The following RWDD4 variants were observed in gnomAD, a reference collection of about 807,000 sequenced individuals.
The protein encoded by RWDD4 is RWD domain containing 4.
RWDD4 carries 16 observed loss-of-function variants against 30.0 expected under a neutral mutation model. The ratio of observed to expected loss-of-function variants is 0.53; its 90% CI spans 0.36 to 0.81. The LOEUF is 0.81. Ranked by LOEUF, RWDD4 falls within the 30% of genes least tolerant of loss-of-function variation. The pLI is 0.00. For synonymous variants in RWDD4, 45 were observed against 72.1 expected, an observed-to-expected ratio of 0.62 and a Z score of 1.90; for missense variants, 170 against 223.9, an observed-to-expected ratio of 0.76 and a Z score of 1.54.
chr4:183,650,153 T>C (rs1272917418), intron 4 of RWDD4, among the ~76,000 whole-genome samples: 1 of 152,224 alleles, frequency 6.6e-6, no homozygotes, highest in Non-Finnish European at 1.5e-5. Context: ...GTAGATACTA[T>C]ATAACCCCCA....
intron 5 of RWDD4, among the ~76,000 whole-genome samples, chr4:183,646,955 A>G (rs1033600811): frequency 6.6e-6 from 1 of 152,240 alleles, no homozygotes; most frequent in African/African-American, 2.4e-5. Flanking sequence ...GCTAGGCTCA[A>G]GACAGGAGGA....
At chr4:183,655,342 C>T (rs1734165883) in intron 2 of RWDD4, among the ~76,000 whole-genome samples, 1 of 151,660 alleles carries the variant, frequency 6.6e-6, no homozygotes, top group Non-Finnish European at 1.5e-5. Context: ...GTCGCAGTGG[C>T]TTGATCTCGG....
Position 183,651,314 on chromosome 4 carries a change from C to T in RWDD4, c.119G>A (p.Gly40Asp). The change falls in exon 3 of 8, where the codon GGT becomes GAT. Residue 40 changes from glycine to aspartate, a missense_variant. Gly to Asp is a moderately conservative substitution (Grantham distance 94, BLOSUM62 -1). Transcript: ENST00000326397. ...CTCTATTAAGAAGGCTTTGGGATCA[C>T]CATTTTCACCTATCTGAAGAGAAGG... Reference protein sequence around the residue: ...VSFQYRIGENGDPKAFLIEIS... With the variant: ...VSFQYRIGENDDPKAFLIEIS... 2 of 1,610,490 alleles carry T rather than the reference C, an allele frequency of 1.2e-6. No homozygotes were observed. Among genetic ancestry groups the T allele is most frequent in the Non-Finnish European group, 1.7e-6 (2 of 1,178,570 alleles).
chr4:183,641,611 A>G, intron 7 of RWDD4, 143 bp from the exon 8 acceptor site: 1 of 679,248 alleles, frequency 1.5e-6, no homozygotes, highest in Non-Finnish European at 2.6e-6. Context: ...GCTACTTTTC[A>G]ACTTCAAGCT....
intron 7 of RWDD4, 57 bp downstream of exon 7, chr4:183,646,294 C>A (rs2111233784): frequency 6.4e-6 from 5 of 782,938 alleles, no homozygotes; most frequent in African/African-American, 1.8e-5. Flanking sequence ...AAAAAAAGAT[C>A]TAAAATTGAG....
chr4:183,647,812 T>C (rs1733991538), intron 5 of RWDD4, among the ~76,000 whole-genome samples: 2 of 152,348 alleles, frequency 1.3e-5, no homozygotes, highest in East Asian at 3.9e-4. Context: ...CTTAGATTTT[T>C]TTATTTCACA....
At chr4:183,655,148 C>T (rs113286161) in intron 2 of RWDD4, among the ~76,000 whole-genome samples, 5 of 151,830 alleles carry the variant, frequency 3.3e-5, no homozygotes, top group Non-Finnish European at 7.4e-5. Context: ...ACCTTGTTGG[C>T]CAGGCTGGTC....
At chr4:183,647,201 A>T (rs1733980710) in intron 5 of RWDD4, among the ~76,000 whole-genome samples, 2 of 152,216 alleles carry the variant, frequency 1.3e-5, no homozygotes, top group South Asian at 4.1e-4. Context: ...TTATCTAAAA[A>T]TTCTTCAATT....
rs753877473 is a variant in RWDD4 at position 183,651,088 on chromosome 4, C to T, written c.259G>A (p.Ala87Thr). 3 of 1,614,078 alleles carry T rather than the reference C, an allele frequency of 1.9e-6. No individual in the cohort carries two copies. Among genetic ancestry groups the T allele is most frequent in the Non-Finnish European group, 2.5e-6 (3 of 1,179,986 alleles). The change falls in exon 4 of 8, where the codon GCA (alanine) becomes ACA (threonine). Residue 87 changes from alanine to threonine, a missense_variant. Ala to Thr is a moderately conservative substitution (Grantham distance 58, BLOSUM62 0). Coordinates refer to ENST00000326397, the MANE Select transcript of RWDD4 (RefSeq NM_152682.4). ...GCGGTTCCAAGATTAGCTTCTACTG[C>T]TTCCTGTAGCTTGGCTAATATACTC... The part of the protein sequence containing the change: ...KQSILAKLQE[A>T]VEANLGTAMT...
intron 5 of RWDD4, among the ~76,000 whole-genome samples, chr4:183,648,649 C>A (rs1407529387): frequency 6.6e-6 from 1 of 152,092 alleles, no homozygotes; most frequent in Non-Finnish European, 1.5e-5. Context: ...AACTGTATTT[C>A]AAAAAATTTT....
chr4:183,647,958 C>T (rs749107217), intron 5 of RWDD4, among the ~76,000 whole-genome samples: 43 of 152,248 alleles, frequency 2.8e-4, no homozygotes, highest in African/African-American at 7.7e-4. Context: ...AAAAGGCCCT[C>T]ACCAGGCCGG....
chr4:183,652,208 A>G (rs1274902018), intron 2 of RWDD4, among the ~76,000 whole-genome samples: 2 of 152,230 alleles, frequency 1.3e-5, no homozygotes, highest in African/African-American at 4.8e-5. Context: ...CATAAACCAT[A>G]TTAAAAACTA....
chr4:183,655,521 T>TG (rs900268271), intron 2 of RWDD4, among the ~76,000 whole-genome samples: 1 of 152,174 alleles, frequency 6.6e-6, no homozygotes, highest in African/African-American at 2.4e-5. Flanking sequence ...CCTGACCTCG[T>TG]GATCCGCCCA....
At chr4:183,652,936 C>A (rs139782789) in intron 2 of RWDD4, among the ~76,000 whole-genome samples, 2,627 of 152,222 alleles carry the variant, frequency 0.017, 68 homozygotes, top group African/African-American at 0.06. Context: ...GTTGCCCAGG[C>A]TGGTCTCGAA....
intron 4 of RWDD4, 97 bp downstream of exon 4, chr4:183,650,887 T>C: frequency 8.0e-7 from 1 of 1,251,360 alleles, no homozygotes; most frequent in Non-Finnish European, 1.1e-6. Context: ...ACAAGTCTTC[T>C]TCCGATTTTG....
chr4:183,658,511 T>C (rs1734267231), intron 1 of RWDD4, among the ~76,000 whole-genome samples: 1 of 152,224 alleles, frequency 6.6e-6, no homozygotes, highest in Non-Finnish European at 1.5e-5. Flanking sequence ...TGTCATTTTC[T>C]TCCATGAGAA....
At chr4:183,645,501 G>A (rs1733949751) in intron 7 of RWDD4, among the ~76,000 whole-genome samples, 1 of 151,948 alleles carries the variant, frequency 6.6e-6, no homozygotes, top group Non-Finnish European at 1.5e-5. Flanking sequence ...CAGGTGTGGT[G>A]GCTGCCGCCG....
intron 7 of RWDD4, among the ~76,000 whole-genome samples, chr4:183,644,361 G>A (rs1480206246): frequency 6.6e-6 from 1 of 152,248 alleles, no homozygotes; most frequent in African/African-American, 2.4e-5. Context: ...CCAATTGTAA[G>A]TTAGGGCCCA....
At chr4:183,656,314 C>T (rs982244608) in intron 1 of RWDD4, among the ~76,000 whole-genome samples, 3 of 152,168 alleles carry the variant, frequency 2.0e-5, no homozygotes, top group East Asian at 1.9e-4. Context: ...TGGCTAAAGA[C>T]GAACCTGGGT....
Sources: gnomAD v4.1 joint callset for allele counts (sites outside exome capture counted in the v4.1 genomes callset) on GRCh38, gnomAD v4.1.1 for gene constraint, MANE v1.5 for transcripts, NCBI Gene and HGNC (gene_info 2026-07-23, HGNC 2026-07-21) for gene names.